Variants in PELI2 observed in about 807,000 individuals in gnomAD.
PELI2 encodes pellino E3 ubiquitin protein ligase family member 2.
A neutral mutation model predicts 42.3 loss-of-function variants in PELI2; 23 were observed. The ratio of observed to expected loss-of-function variants is 0.54; its 90% CI spans 0.39 to 0.77. The LOEUF (loss-of-function observed/expected upper bound fraction) is 0.77. Ranked by LOEUF, PELI2 falls within the 30% of genes least tolerant of loss-of-function variation. The pLI is 0.00. For synonymous variants in PELI2, 245 were observed against 212.2 expected (o/e 1.15, Z -1.34); for missense variants, 463 against 553.2 (o/e 0.84, Z 1.64).
chr14:56,290,343 C>A lies in PELI2; in HGVS notation c.583C>A (p.Pro195Thr). Residue 195 changes from proline to threonine, a missense_variant, in exon 5 of 6, where the codon CCA becomes ACA. This residue lies in a region of PELI2 where 343 missense variants were observed against 378.4 expected (regional missense o/e 0.91). Coordinates refer to ENST00000267460, the MANE Select transcript of PELI2 (RefSeq NM_021255.3). ...TACTAATGGCGTCCTGGTGATGCAT[C>A]CACGAGGGGGCTTCACCGAGGAGTC... ...LTTNGVLVMH[P>T]RGGFTEESQP... is the part of the protein sequence containing the mutation. The A allele has an allele frequency of 6.2e-7, 1 of 1,613,562 alleles. No individual in the cohort carries two copies. Among genetic ancestry groups the A allele is most frequent in the Non-Finnish European group, 8.5e-7 (1 of 1,179,644 alleles).
At chr14:56,125,408 G>A (rs1595535102) in intron 1 of PELI2, among the ~76,000 whole-genome samples, 4 of 140,754 alleles carry the variant, frequency 2.8e-5, no homozygotes, top group South Asian at 2.3e-4. Context: ...GAGAGTTATT[G>A]GGTGGGCAGG....
intron 5 of PELI2, among the ~76,000 whole-genome samples, chr14:56,293,812 T>A (rs1249359270): frequency 6.6e-6 from 1 of 152,108 alleles, no homozygotes; most frequent in Non-Finnish European, 1.5e-5. Flanking sequence ...CACCCCAGAT[T>A]TATAATAAGA....
rs573168883 is a variant in PELI2, at chr14:56,182,704, C to T, written c.207+4240C>T. On this transcript the variant is annotated intron_variant, in intron 2 of 5. Coordinates refer to ENST00000267460, the MANE Select transcript of PELI2 (RefSeq NM_021255.3). ...TTGCTACAACCAGGCTGCTCTTCAC[C>T]GTGTTTGGGCTGCTGTGGCTCTACT... Among the ~76,000 whole-genome samples, 6 of 152,232 alleles carry T rather than the reference C, an allele frequency of 3.9e-5. No individual in the cohort carries two copies. In the South Asian group the frequency reaches 6.2e-4, roughly 16 times the overall value.
chr14:56,231,936 G>A (rs1287437350), intron 2 of PELI2, among the ~76,000 whole-genome samples: 1 of 152,104 alleles, frequency 6.6e-6, no homozygotes. Flanking sequence ...TATCACCACC[G>A]ATCCCACAGA....
In PELI2 at chr14:56,275,561, A is replaced by G. The variant is rs369725366; in HGVS notation, c.208-4115A>G. 1.4e-4 allele frequency among the ~76,000 whole-genome samples: 21 copies of G among 152,338 alleles called. 1 individual carries two copies. Among genetic ancestry groups the G allele is most frequent in the Admixed American group, 8.5e-4 (13 of 15,304 alleles). ...GATTCTCATAAGGAGCGCACAGTCT[A>G]GATCCCTCACATGCGCATTCACAAT... On this transcript the variant is annotated intron_variant, in intron 2 of 5. Coordinates refer to ENST00000267460, the MANE Select transcript of PELI2 (RefSeq NM_021255.3).
rs981784596 is a variant in PELI2 at position 56,300,408 on chromosome 14, A to G, written c.*3242A>G. ...GTTATTACATTTACTGTATTGGGAA[A>G]CTTGAGGAGAACTCTTTAGTTCATA... is the stretch of plus-strand genomic sequence containing the variant. On this transcript the variant is annotated 3_prime_UTR_variant, in exon 6 of 6. Transcript: ENST00000267460. 2.0e-5 allele frequency: 3 copies of G among 152,350 alleles called. No homozygotes were observed. Among genetic ancestry groups the G allele is most frequent in the Non-Finnish European group, 4.4e-5 (3 of 67,994 alleles). 9.4% of individuals were successfully genotyped at this position (152,350 alleles called of 1,614,324 possible). A position where few individuals can be genotyped will look rare whatever the true frequency, so the allele number is the denominator to read the frequency against.
Position 56,155,730 on chromosome 14 carries a change from C to T in PELI2, c.78-22605C>T, listed in dbSNP as rs892311810. Among the ~76,000 whole-genome samples, 12 of 148,326 alleles carry T rather than the reference C, an allele frequency of 8.1e-5. No homozygotes were observed. The East Asian group carries it at 9.8e-4, about 12-fold the overall frequency. On this transcript the variant is annotated intron_variant, in intron 1 of 5. Transcript: ENST00000267460. The stretch of plus-strand genomic sequence containing the variant: ...CTGAGTAGCTGGCACTACAGGCGCT[C>T]GCCACCACGCCCGGCTAATTTTTTT...
At chr14:56,280,360 CT>C (rs1418111716) in intron 3 of PELI2, among the ~76,000 whole-genome samples, 1 of 151,644 alleles carries the variant, frequency 6.6e-6, no homozygotes, top group Non-Finnish European at 1.5e-5. Context: ...AATATAAAGT[CT>C]AGAAGCACAT....
At chr14:56,290,548 T>G in intron 5 of PELI2, 92 bp downstream of exon 5, 1 of 942,794 alleles carries the variant, frequency 1.1e-6, no homozygotes, top group Non-Finnish European at 1.6e-6. Context: ...TTCAGAACCT[T>G]TGTGCAGGTC....
chr14:56,229,819 T>C (rs1887494064), intron 2 of PELI2, among the ~76,000 whole-genome samples: 1 of 152,158 alleles, frequency 6.6e-6, no homozygotes, highest in South Asian at 2.1e-4. Flanking sequence ...AGGACGATGT[T>C]CAAACCCATT....
At chr14:56,154,154 A>G (rs1884465805) in intron 1 of PELI2, among the ~76,000 whole-genome samples, 1 of 152,238 alleles carries the variant, frequency 6.6e-6, no homozygotes, top group Admixed American at 6.5e-5. Flanking sequence ...TCTTATGCAT[A>G]TTAAAAAGTT....
At chr14:56,190,859 C>T (rs1165419259) in intron 2 of PELI2, among the ~76,000 whole-genome samples, 1 of 152,206 alleles carries the variant, frequency 6.6e-6, no homozygotes, top group Non-Finnish European at 1.5e-5. Context: ...TCAATAAAAG[C>T]TACCAGTGGT....
chr14:56,162,176 T>A (rs894711590), intron 1 of PELI2, among the ~76,000 whole-genome samples: 1 of 152,224 alleles, frequency 6.6e-6, no homozygotes, highest in African/African-American at 2.4e-5. Context: ...TTATTGACTG[T>A]AGCCACCTTA....
chr14:56,237,963 G>A (rs924670397), intron 2 of PELI2, among the ~76,000 whole-genome samples: 1 of 151,610 alleles, frequency 6.6e-6, no homozygotes, highest in Non-Finnish European at 1.5e-5. Context: ...TCGAATTATG[G>A]ACAGTATGTC....
rs34574403 is a variant in PELI2 at position 56,288,707 on chromosome 14, C to CA, written c.507+82dup. The CA allele has an allele frequency of 0.85, 773,795 of 907,970 alleles. 326,238 individuals carry two copies. Among genetic ancestry groups the CA allele is most frequent in the African/African-American group, 0.91 (53,514 of 58,822 alleles). 56.2% of individuals were successfully genotyped at this position (907,970 alleles called of 1,614,324 possible). A position where few individuals can be genotyped will look rare whatever the true frequency, so the allele number is the denominator to read the frequency against. ...TATGATATGGAACATTTAATTGGAGCAAAAAAAAATTGGCTTTGTATGTTG... is the reference window on the plus strand; with the variant it reads ...TATGATATGGAACATTTAATTGGAGCAAAAAAAAAATTGGCTTTGTATGTTG... On this transcript the variant is annotated intron_variant, in intron 4 of 5. Coordinates refer to ENST00000267460, the MANE Select transcript of PELI2 (RefSeq NM_021255.3). This position sits in a 1 kb window ranked among gnomAD's most constrained non-coding sequence, Gnocchi z 4.6.
chr14:56,264,346 A>G (rs907232981), intron 2 of PELI2, among the ~76,000 whole-genome samples: 7 of 152,170 alleles, frequency 4.6e-5, no homozygotes. Flanking sequence ...GAGAAACTAC[A>G]TGTTAGATTA....
chr14:56,122,101 A>G (rs892667443), intron 1 of PELI2, among the ~76,000 whole-genome samples: 4 of 152,228 alleles, frequency 2.6e-5, no homozygotes, highest in Non-Finnish European at 5.9e-5. Flanking sequence ...CAGCATAAAG[A>G]GGAGATGATC....
intron 1 of PELI2, among the ~76,000 whole-genome samples, chr14:56,163,070 T>C (rs1884825614): frequency 6.6e-6 from 1 of 152,198 alleles, no homozygotes; most frequent in Admixed American, 6.5e-5. Flanking sequence ...TCCTTTGCTG[T>C]GCAGAAACTT....
chr14:56,225,499 G>C (rs867446375), intron 2 of PELI2, among the ~76,000 whole-genome samples: 1 of 152,234 alleles, frequency 6.6e-6, no homozygotes, highest in Non-Finnish European at 1.5e-5. Context: ...AATGATGGGA[G>C]ATGGGGCCCA....
Sources: gnomAD v4.1 joint callset for allele counts (sites outside exome capture counted in the v4.1 genomes callset) on GRCh38, gnomAD v4.1.1 for gene constraint, gnomAD v4.1.1 regional missense constraint, Gnocchi (gnomAD v3.1) non-coding constraint, MANE v1.5 for transcripts, NCBI Gene and HGNC (gene_info 2026-07-23, HGNC 2026-07-21) for gene names.